SLC25A33: variants seen among roughly 807,000 people sequenced by gnomAD.
SLC25A33 encodes solute carrier family 25 member 33.
Under a neutral mutation model 35.5 loss-of-function variants are expected in SLC25A33, and 15 were observed. The observed-to-expected ratio is 0.42, with a 90% CI of 0.28 to 0.65. The LOEUF is 0.65. SLC25A33 is among the 30% of genes least tolerant of loss of function. The pLI, the probability that SLC25A33 is intolerant of heterozygous loss-of-function variation, is 0.20. For synonymous variants in SLC25A33, 136 were observed against 148.7 expected (o/e 0.91, Z 0.62); for missense variants, 257 against 398.5 (o/e 0.64, Z 3.02).
At chr1:9,545,870 T>G (rs76783442) in intron 1 of SLC25A33, among the ~76,000 whole-genome samples, 39,995 of 150,918 alleles carry the variant, frequency 0.27, 6,689 homozygotes, top group African/African-American at 0.48. Flanking sequence ...GGCTGAGGCA[T>G]GAGAATCACT....
At chr1:9,567,042 AAGGG>A (rs1420509708) in intron 2 of SLC25A33, among the ~76,000 whole-genome samples, 16 of 152,024 alleles carry the variant, frequency 1.1e-4, no homozygotes, top group African/African-American at 2.9e-4. Context: ...AGAAAAAAAA[AAGGG>A]AGAGAAAGAA....
intron 4 of SLC25A33, among the ~76,000 whole-genome samples, chr1:9,570,640 A>T (rs1409577340): frequency 2.0e-5 from 3 of 149,464 alleles, no homozygotes; most frequent in Admixed American, 6.7e-5. Flanking sequence ...TAGGTTTTTC[A>T]TGTCTTCTGT....
chr1:9,542,400 T>C (rs1024574126), intron 1 of SLC25A33, among the ~76,000 whole-genome samples: 1 of 152,266 alleles, frequency 6.6e-6, no homozygotes, highest in African/African-American at 2.4e-5. Context: ...TTGGCAGCAA[T>C]TGGAGACTCA....
chr1:9,547,192 G>A (rs1643186426), intron 1 of SLC25A33, among the ~76,000 whole-genome samples: 1 of 152,166 alleles, frequency 6.6e-6, no homozygotes. Flanking sequence ...AGTGGCTCAT[G>A]CCTGTAATCC....
chr1:9,546,174 ATTTTTTTTT>A (rs746460317), intron 1 of SLC25A33, among the ~76,000 whole-genome samples: 24 of 100,516 alleles, frequency 2.4e-4, no homozygotes, highest in African/African-American at 7.4e-4. Context: ...ACACAGAGAA[ATTTTTTTTT>A]TTTTTTTTTT....
intron 5 of SLC25A33, among the ~76,000 whole-genome samples, chr1:9,575,057 CA>C: frequency 6.6e-6 from 1 of 151,170 alleles, no homozygotes; most frequent in Non-Finnish European, 1.5e-5. Context: ...ACTAAAAATA[CA>C]AAAAATAAGC....
chr1:9,539,962 G>A (rs1181194858), intron 1 of SLC25A33, among the ~76,000 whole-genome samples: 2 of 152,098 alleles, frequency 1.3e-5, no homozygotes, highest in East Asian at 3.9e-4. Context: ...CCGCAGCCCC[G>A]AGGGCGGCTG....
chr1:9,575,227 A>AT (rs1288537412), intron 5 of SLC25A33, among the ~76,000 whole-genome samples: 2 of 151,262 alleles, frequency 1.3e-5, no homozygotes, highest in African/African-American at 4.9e-5. Context: ...AAAAAAAAAA[A>AT]AAAAAAAATA....
chr1:9,549,679 T>TA (rs1373253170), intron 1 of SLC25A33, among the ~76,000 whole-genome samples: 3 of 150,718 alleles, frequency 2.0e-5, no homozygotes, highest in Admixed American at 1.3e-4. Context: ...GGAGTGCAGT[T>TA]ATGCGAGATC....
At chr1:9,541,884 C>G (rs1643089571) in intron 1 of SLC25A33, among the ~76,000 whole-genome samples, 1 of 151,798 alleles carries the variant, frequency 6.6e-6, no homozygotes, top group Non-Finnish European at 1.5e-5. Flanking sequence ...ACTGCAAGCT[C>G]CGCCTCCTGG....
At chr1:9,564,739 A>ATAT (rs1211262069) in intron 2 of SLC25A33, among the ~76,000 whole-genome samples, 156 of 96,508 alleles carry the variant, frequency 1.6e-3, no homozygotes, top group Non-Finnish European at 2.4e-3. Context: ...AAAAAAAAAA[A>ATAT]ATATATATAT....
chr1:9,540,580 C>T (rs967169468), intron 1 of SLC25A33, among the ~76,000 whole-genome samples: 3 of 152,072 alleles, frequency 2.0e-5, no homozygotes, highest in African/African-American at 7.2e-5. Context: ...TAGTAATTTT[C>T]TTTTTTCCTT....
rs1235393582 is a variant in SLC25A33 at position 9,576,823 on chromosome 1, C to G, written c.483-3131C>G. ...ACCAGGTGTTGCTTGTTCAGTATCT[C>G]AAGCCTAGAAAGATGAATTTAATCC... On this transcript the variant is annotated intron_variant, in intron 5 of 6. Coordinates refer to ENST00000302692, the MANE Select transcript of SLC25A33 (RefSeq NM_032315.3). 3.1e-5 allele frequency: 38 copies of G among 1,227,424 alleles called. No individual in the cohort carries two copies. In the Admixed American group the frequency reaches 6.8e-4, roughly 22 times the overall value. 76.0% of individuals were successfully genotyped at this position (1,227,424 alleles called of 1,614,324 possible). A position where few individuals can be genotyped will look rare whatever the true frequency, so the allele number is the denominator to read the frequency against.
chr1:9,570,383 G>A, intron 4 of SLC25A33, 25 bp downstream of exon 4: 1 of 1,575,976 alleles, frequency 6.3e-7, no homozygotes, highest in Non-Finnish European at 8.7e-7. Flanking sequence ...TGAGTGAAGA[G>A]AGGGTCTCTC....
chr1:9,576,943 C>G (rs1413278591), intron 5 of SLC25A33: 2 of 1,289,894 alleles, frequency 1.6e-6, no homozygotes, highest in Non-Finnish European at 2.2e-6. Context: ...GGGATGGTAT[C>G]TATGTCTCTG....
intron 5 of SLC25A33, among the ~76,000 whole-genome samples, chr1:9,574,997 A>C (rs2100409034): frequency 6.6e-6 from 1 of 152,052 alleles, no homozygotes; most frequent in Non-Finnish European, 1.5e-5. Context: ...GCAGATCACG[A>C]GGTCAGGAGA....
chr1:9,540,205 C>T (rs925660336), intron 1 of SLC25A33, among the ~76,000 whole-genome samples: 1 of 152,140 alleles, frequency 6.6e-6, no homozygotes, highest in Non-Finnish European at 1.5e-5. Context: ...GGAGGTCATC[C>T]GGACGGGCAA....
rs1243612368 is a variant in SLC25A33, at chr1:9,582,516, G to C, written c.*15G>C. The C allele has an allele frequency of 1.9e-6, 3 of 1,601,234 alleles. No individual in the cohort carries two copies. The highest frequency in any genetic ancestry group is 2.6e-6 in the Non-Finnish European group (3 of 1,172,328). On this transcript the variant is annotated 3_prime_UTR_variant, in exon 7 of 7. Coordinates refer to ENST00000302692, the MANE Select transcript of SLC25A33 (RefSeq NM_032315.3). The surrounding 1 kb of genome is among the most constrained non-coding windows in gnomAD (Gnocchi z 4.0). The stretch of plus-strand genomic sequence containing the variant: ...GTACTCAGTAACAGGCCGGAAAATT[G>C]TGCTCTAGAAGAATAAAACTGAAAA...
At chr1:9,577,944 G>A (rs1286543214) in intron 5 of SLC25A33, among the ~76,000 whole-genome samples, 1 of 152,128 alleles carries the variant, frequency 6.6e-6, no homozygotes, top group Non-Finnish European at 1.5e-5. Flanking sequence ...TTTGTTTTGA[G>A]ACAGAGTCTT....
Sources: allele counts gnomAD v4.1 joint callset (sites outside exome capture counted in the v4.1 genomes callset), GRCh38; gene constraint gnomAD v4.1.1; non-coding constraint Gnocchi (gnomAD v3.1); transcripts MANE v1.5; gene names NCBI Gene and HGNC (gene_info 2026-07-23, HGNC 2026-07-21).